The following SGCD variants were observed in gnomAD, a reference collection of about 807,000 sequenced individuals.
The protein encoded by SGCD is sarcoglycan delta, also known as delta-sarcoglycan.
A neutral mutation model predicts 36.6 loss-of-function variants in SGCD; 18 were observed. The observed-to-expected ratio is 0.49, with a 90% confidence interval of 0.34 to 0.73. The LOEUF (loss-of-function observed/expected upper bound fraction) is 0.73. SGCD is among the 30% of genes least tolerant of loss of function. The pLI is 0.01. For synonymous variants in SGCD, 133 were observed against 130.6 expected, an observed-to-expected ratio of 1.02 and a Z score of -0.12; for missense variants, 387 against 346.7, an observed-to-expected ratio of 1.12 and a Z score of -0.92.
intron 7 of SGCD, among the ~76,000 whole-genome samples, chr5:156,702,506 A>G (rs1045630183): frequency 1.3e-5 from 2 of 152,128 alleles, no homozygotes; most frequent in Non-Finnish European, 1.5e-5. Context: ...TCATCCTAAT[A>G]AAACCAAAAC....
At chr5:156,341,338 TA>T (rs1457959530) in intron 2 of SGCD, among the ~76,000 whole-genome samples, 1 of 152,140 alleles carries the variant, frequency 6.6e-6, no homozygotes, top group African/African-American at 2.4e-5. Flanking sequence ...TATTTTATTT[TA>T]TTTTTTTGCT....
intron 3 of SGCD, among the ~76,000 whole-genome samples, chr5:156,231,415 A>T (rs937599580): frequency 2.6e-5 from 4 of 152,260 alleles, no homozygotes; most frequent in Admixed American, 6.5e-5. Context: ...ACGTGCTTGT[A>T]ATTCCAGCTA....
At chr5:155,763,850 T>G in the SGCD span, among the ~76,000 whole-genome samples, 1 of 138,066 alleles carries the variant, frequency 7.2e-6, no homozygotes, top group African/African-American at 2.7e-5. Flanking sequence ...CTTTCCCCCC[T>G]TCAATTATAT....
intron 7 of SGCD, among the ~76,000 whole-genome samples, chr5:156,745,178 T>C (rs889162304): frequency 6.6e-6 from 1 of 152,054 alleles, no homozygotes; most frequent in Admixed American, 6.5e-5. Context: ...AAAGCCTCAG[T>C]GTAAGGGTGA....
intron 3 of SGCD, among the ~76,000 whole-genome samples, chr5:156,244,997 T>C (rs1765406052): frequency 6.6e-6 from 1 of 152,196 alleles, no homozygotes; most frequent in Admixed American, 6.5e-5. Flanking sequence ...ACATCTTGTG[T>C]GTATTTTTCA....
chr5:155,903,622 A>G (rs1756438587), intron 1 of SGCD, among the ~76,000 whole-genome samples: 1 of 152,186 alleles, frequency 6.6e-6, no homozygotes, highest in Non-Finnish European at 1.5e-5. Flanking sequence ...ACACACATAT[A>G]CATTAAAAAT....
intron 7 of SGCD, among the ~76,000 whole-genome samples, chr5:156,694,080 T>C (rs1754215351): frequency 1.3e-5 from 2 of 152,198 alleles, no homozygotes; most frequent in African/African-American, 4.8e-5. Flanking sequence ...AATTGCAACC[T>C]GGATTTTTTG....
chr5:155,968,566 CTT>C (rs35437872), intron 1 of SGCD, among the ~76,000 whole-genome samples: 3,773 of 152,112 alleles, frequency 0.025, 157 homozygotes, highest in African/African-American at 0.081. Context: ...TTGTTAATCT[CTT>C]ATAGTGTGTA....
At chr5:156,565,984 T>C (rs1229950450) in intron 4 of SGCD, among the ~76,000 whole-genome samples, 2 of 152,212 alleles carry the variant, frequency 1.3e-5, no homozygotes, top group Non-Finnish European at 2.9e-5. Context: ...TCTTTGCTAT[T>C]GTGAATACTG....
intron 1 of SGCD, among the ~76,000 whole-genome samples, chr5:156,098,842 C>A (rs1171302007): frequency 6.6e-6 from 1 of 152,214 alleles, no homozygotes; most frequent in Non-Finnish European, 1.5e-5. Context: ...GTAGCTGAGT[C>A]TCTCTTGCCA....
intron 3 of SGCD, among the ~76,000 whole-genome samples, chr5:156,379,534 A>G (rs1245973655): frequency 6.6e-6 from 1 of 152,202 alleles, no homozygotes; most frequent in Non-Finnish European, 1.5e-5. Context: ...GAGTGTCTGT[A>G]AATCAGAACA....
intron 3 of SGCD, among the ~76,000 whole-genome samples, chr5:156,267,776 T>C (rs1409679843): frequency 6.6e-6 from 1 of 152,218 alleles, no homozygotes; most frequent in East Asian, 1.9e-4. Flanking sequence ...AGAATTTCCA[T>C]CTACACAATT....
At chr5:156,293,730 G>A (rs1561604684) in intron 3 of SGCD, among the ~76,000 whole-genome samples, 1 of 152,076 alleles carries the variant, frequency 6.6e-6, no homozygotes, top group Non-Finnish European at 1.5e-5. Flanking sequence ...GTAGTAAGTT[G>A]TGAAATCAGG....
At chr5:156,400,210 G>A (rs1772070338) in intron 3 of SGCD, among the ~76,000 whole-genome samples, 1 of 152,170 alleles carries the variant, frequency 6.6e-6, no homozygotes. Context: ...AATACTCTTG[G>A]TGTGGGCCTG....
At chr5:156,473,217 G>A (rs1195816175) in intron 3 of SGCD, among the ~76,000 whole-genome samples, 1 of 152,144 alleles carries the variant, frequency 6.6e-6, no homozygotes, top group Admixed American at 6.5e-5. Context: ...TCATCCACAG[G>A]AGATAAGTTC....
At chr5:156,022,380 G>C (rs543807006) in intron 1 of SGCD, among the ~76,000 whole-genome samples, 1 of 152,200 alleles carries the variant, frequency 6.6e-6, no homozygotes, top group East Asian at 1.9e-4. Context: ...ATTATTAATT[G>C]TTATTCTTAA....
intron 7 of SGCD, among the ~76,000 whole-genome samples, chr5:156,731,802 C>T (rs1756076745): frequency 6.6e-6 from 1 of 152,110 alleles, no homozygotes; most frequent in Non-Finnish European, 1.5e-5. Flanking sequence ...CTTCCATGAG[C>T]ATGGAATGTT....
intron 3 of SGCD, among the ~76,000 whole-genome samples, chr5:156,229,287 T>TACATACAC (rs1764949470): frequency 1.8e-5 from 2 of 113,790 alleles, no homozygotes; most frequent in Admixed American, 1.9e-4. Context: ...CATATATATA[T>TACATACAC]ATATATATAT....
At chr5:156,562,409 C>T (rs975967292) in intron 4 of SGCD, among the ~76,000 whole-genome samples, 11 of 151,928 alleles carry the variant, frequency 7.2e-5, no homozygotes, top group African/African-American at 2.2e-4. Flanking sequence ...ATATCCTGGC[C>T]AAAGTGAAAG....
Sources: allele counts gnomAD v4.1 joint callset (sites outside exome capture counted in the v4.1 genomes callset), GRCh38; gene constraint gnomAD v4.1.1; transcripts MANE v1.5; gene names NCBI Gene and HGNC (gene_info 2026-07-23, HGNC 2026-07-21).